NLRX1: variants seen among roughly 807,000 people sequenced by gnomAD.
NLRX1 encodes NOD-like receptor X1.
A neutral mutation model predicts 74.2 loss-of-function variants in NLRX1; 67 were observed. The ratio of observed to expected loss-of-function variants is 0.90; its 90% CI spans 0.74 to 1.11. NLRX1 has a LOEUF of 1.11. Among genes scored for constraint, NLRX1 ranks in the 50% least tolerant of loss-of-function variants. The pLI, the probability that NLRX1 is intolerant of heterozygous loss-of-function variation, is 0.00. For synonymous variants in NLRX1, 506 were observed against 559.1 expected (o/e 0.91, Z 1.34); for missense variants, 1,191 against 1,305.4 (o/e 0.91, Z 1.35).
At position 119,173,956 on chromosome 11, in the gene NLRX1, A is replaced by G. The variant is rs762049082; in HGVS notation, c.707A>G (p.His236Arg). The G allele has an allele frequency of 2.4e-5, 39 of 1,613,452 alleles. No homozygotes were observed. The highest frequency in any genetic ancestry group is 3.2e-5 in the Non-Finnish European group (38 of 1,179,956). Residue 236 changes from histidine to arginine, a missense_variant, in exon 5 of 10, where the codon CAC (histidine) becomes CGC (arginine). By Grantham distance (29) the His-to-Arg change is conservative. Transcript: ENST00000409109. This position sits in a 1 kb window ranked among gnomAD's most constrained non-coding sequence, Gnocchi z 4.0. The part of the protein sequence containing the change: ...VLPLMAAAGS[H>R]LLFVLHGLEH... ...CCCCTGATGGCTGCTGCTGGGTCCCACCTCCTCTTTGTGCTCCATGGCTTA... is the reference window on the plus strand; with the variant it reads ...CCCCTGATGGCTGCTGCTGGGTCCCGCCTCCTCTTTGTGCTCCATGGCTTA...
rs149657754 is a variant in NLRX1 at position 119,172,976 on chromosome 11, C to A, written c.216C>A (p.Ser72Arg). The stretch of plus-strand genomic sequence containing the variant: ...GGAGGCATGGACGGCTGTTCCCCAG[C>A]GCCTCTGCAACTGGTAAAGGGACTG... ...PPGRHGRLFP[S>R]ASATEAIQRH... Residue 72 changes from serine (S) to arginine (R), a missense_variant, in exon 4 of 10, where the codon AGC becomes AGA. Ser to Arg is a moderately radical substitution (Grantham distance 110). Coordinates refer to ENST00000409109, the MANE Select transcript of NLRX1 (RefSeq NM_001282144.2). 18 of 1,613,376 alleles carry A rather than the reference C, an allele frequency of 1.1e-5. No individual in the cohort carries two copies. Among genetic ancestry groups the A allele is most frequent in the Middle Eastern group, 1.6e-4 (1 of 6,070 alleles).
At position 119,182,304 on chromosome 11, in the gene NLRX1, G is replaced by C. The variant is rs1948860373; in HGVS notation, c.2565G>C (p.Leu855=). The change falls in exon 9 of 10, where the codon CTG becomes CTC. Residue 855 remains leucine, a synonymous_variant. Coordinates refer to ENST00000409109, the MANE Select transcript of NLRX1 (RefSeq NM_001282144.2). The part of the protein sequence containing the change: ...NGAGDTAALA[L]ARAAREHPSL... ...CTGGTGACACAGCGGCCCTGGCCCT[G>C]GCCAGAGCTGCCCGGGAGCACCCTT... 4 of 1,613,244 alleles carry C rather than the reference G, an allele frequency of 2.5e-6. No individual in the cohort carries two copies. Among genetic ancestry groups the C allele is most frequent in the Non-Finnish European group, 3.4e-6 (4 of 1,179,982 alleles).
chr11:119,180,520 G>GGCA (rs2135189308), intron 7 of NLRX1, among the ~76,000 whole-genome samples: 1 of 152,174 alleles, frequency 6.6e-6, no homozygotes, highest in South Asian at 2.1e-4. Context: ...GCCTCAACAT[G>GGCA]GAGAAACCCT....
chr11:119,169,998 A>AG (rs1181787463), intron 1 of NLRX1, among the ~76,000 whole-genome samples: 1 of 74,036 alleles, frequency 1.4e-5, no homozygotes, highest in Non-Finnish European at 2.3e-5. Context: ...ACCCTGTCTC[A>AG]GGAAAAAAAA....
chr11:119,177,219 C>T (rs1390584546), intron 6 of NLRX1, among the ~76,000 whole-genome samples: 5 of 151,536 alleles, frequency 3.3e-5, no homozygotes, highest in African/African-American at 4.8e-5. Context: ...GTAGCTGGGA[C>T]TACAGGCACC....
chr11:119,177,950 G>A (rs1269695048), intron 6 of NLRX1: 1 of 152,324 alleles, frequency 6.6e-6, no homozygotes, highest in East Asian at 1.9e-4. Context: ...GACATATTCT[G>A]TCACAGGTTG....
intron 5 of NLRX1, 32 bp from the exon 6 acceptor site, chr11:119,174,421 T>G (rs753890874): frequency 1.9e-6 from 3 of 1,591,954 alleles, no homozygotes; most frequent in Non-Finnish European, 2.6e-6. Flanking sequence ...GACACTAAGG[T>G]CTTTCTTAAC....
rs1043304177 is a variant in NLRX1 at position 119,179,816 on chromosome 11, G to A, written c.1795G>A (p.Ala599Thr). The part of the protein sequence containing the change: ...YNDDVLDQMG[A>T]SILGVEGPRR... ...CGATGATGTTCTGGACCAGATGGGC[G>A]CCAGTATCCTGGGCGTGGAGGGCCC... Residue 599 changes from alanine to threonine, a missense_variant, in exon 7 of 10, where the codon GCC becomes ACC. Transcript: ENST00000409109. 1.4e-5 allele frequency: 22 copies of A among 1,614,084 alleles called. No homozygotes were observed. Among genetic ancestry groups the A allele is most frequent in the Middle Eastern group, 1.6e-4 (1 of 6,084 alleles).
Position 119,183,290 on chromosome 11 carries a change from G to T in NLRX1, c.2779G>T (p.Ala927Ser). Residue 927 changes from alanine to serine, a missense_variant, in exon 10 of 10, where the codon GCC (alanine) becomes TCC (serine). Ala to Ser is a moderately conservative substitution (Grantham distance 99). Transcript: ENST00000409109. This position sits in a 1 kb window ranked among gnomAD's most constrained non-coding sequence, Gnocchi z 5.7. ...GCGGAACCTCAATAGCTGGGATCGG[G>T]CCCGGGTTCAGCGACACCTTGAGCT... Reference protein sequence around the residue: ...VQRNLNSWDRARVQRHLELLL... With the variant: ...VQRNLNSWDRSRVQRHLELLL... The T allele has an allele frequency of 1.2e-6, 2 of 1,614,232 alleles. No homozygotes were observed. Among genetic ancestry groups the T allele is most frequent in the Non-Finnish European group, 1.7e-6 (2 of 1,180,048 alleles).
intron 6 of NLRX1, among the ~76,000 whole-genome samples, chr11:119,178,664 G>A (rs1948755131): frequency 6.6e-6 from 1 of 151,758 alleles, no homozygotes; most frequent in African/African-American, 2.4e-5. Context: ...TTGGGGGAGG[G>A]GAAATGCCCC....
chr11:119,169,997 C>T, intron 1 of NLRX1, among the ~76,000 whole-genome samples: 1 of 64,250 alleles, frequency 1.6e-5, no homozygotes, highest in African/African-American at 7.0e-5. Flanking sequence ...GACCCTGTCT[C>T]AGGAAAAAAA....
At position 119,174,719 on chromosome 11, in the gene NLRX1, C is replaced by T; in HGVS notation, c.1116C>T (p.Ser372=). Residue 372 remains serine, a synonymous_variant, in exon 6 of 10, where the codon TCC becomes TCT. Transcript: ENST00000409109. ...TAGCCGCTGCCTGCTTCCTGCCGTC[C>T]TATTGCTGGCTCGTTTGTGCCACCT... The part of the protein sequence containing the change: ...HQIAAACFLP[S]YCWLVCATLH... 1 of 1,613,954 alleles carries T rather than the reference C, an allele frequency of 6.2e-7. No individual in the cohort carries two copies. The highest frequency in any genetic ancestry group is 8.5e-7 in the Non-Finnish European group (1 of 1,180,046).
In NLRX1 at chr11:119,183,974, C is replaced by A. The variant is rs772256586; in HGVS notation, c.*535C>A. The A allele has an allele frequency of 2.6e-6, 2 of 766,830 alleles. No individual in the cohort carries two copies. Among genetic ancestry groups the A allele is most frequent in the South Asian group, 2.7e-5 (2 of 73,112 alleles). The allele number at this position is 766,830 out of a possible 1,614,324, so 47.5% of individuals were successfully genotyped here. ...GCTTGGTAGCCCCTCGAGGCAGATGCACCTGACTTGCTGCTATTAAAAAGC... is the reference window on the plus strand; with the variant it reads ...GCTTGGTAGCCCCTCGAGGCAGATGAACCTGACTTGCTGCTATTAAAAAGC... On this transcript the variant is annotated 3_prime_UTR_variant, in exon 10 of 10. Coordinates refer to ENST00000409109, the MANE Select transcript of NLRX1 (RefSeq NM_001282144.2). This position sits in a 1 kb window ranked among gnomAD's most constrained non-coding sequence, Gnocchi z 5.7.
chr11:119,180,701 C>T (rs1341864044), intron 7 of NLRX1, among the ~76,000 whole-genome samples: 1 of 84,470 alleles, frequency 1.2e-5, no homozygotes, highest in Admixed American at 1.3e-4. Flanking sequence ...AACTCCGTCT[C>T]AAAAAAAAAA....
intron 2 of NLRX1, 64 bp from the exon 3 acceptor site, chr11:119,172,292 T>A: frequency 7.8e-7 from 1 of 1,283,520 alleles, no homozygotes; most frequent in Non-Finnish European, 1.1e-6. Flanking sequence ...GGGGGTTTGA[T>A]GTAGACATGG....
chr11:119,176,381 TG>T (rs1185634073), intron 6 of NLRX1, among the ~76,000 whole-genome samples: 2 of 152,210 alleles, frequency 1.3e-5, no homozygotes, highest in African/African-American at 2.4e-5. Context: ...ACTGAGTAGC[TG>T]GGACCTCAGG....
In NLRX1 at chr11:119,174,671, G is replaced by C. The variant is rs535692330; in HGVS notation, c.1068G>C (p.Arg356=). 1.2e-6 allele frequency: 2 copies of C among 1,613,988 alleles called. No individual in the cohort carries two copies. The highest frequency in any genetic ancestry group is 1.3e-5 in the African/African-American group (1 of 75,076). The change falls in exon 6 of 10, where the codon CGG becomes CGC. Residue 356 remains arginine, a synonymous_variant. Coordinates refer to ENST00000409109, the MANE Select transcript of NLRX1 (RefSeq NM_001282144.2). ...QRDHLVQMLS[R]NLEGHHQIAA... The stretch of plus-strand genomic sequence containing the variant: ...ACCACCTGGTGCAGATGCTCTCCCG[G>C]AACCTGGAGGGGCACCACCAGATAG...
Position 119,175,291 on chromosome 11 carries a change from G to C in NLRX1, c.1671+17G>C, listed in dbSNP as rs780031065. 1 of 1,601,022 alleles carries C rather than the reference G, an allele frequency of 6.2e-7. No individual in the cohort carries two copies. The highest frequency in any genetic ancestry group is 8.5e-7 in the Non-Finnish European group (1 of 1,171,572). ...CTGATCAAGGTAACATCCCGATCAAGGTAACCCCCCAACCTGCTCCTTCCC... is the reference window on the plus strand; with the variant it reads ...CTGATCAAGGTAACATCCCGATCAACGTAACCCCCCAACCTGCTCCTTCCC... On this transcript the variant is annotated intron_variant, in intron 6 of 9. Coordinates refer to ENST00000409109, the MANE Select transcript of NLRX1 (RefSeq NM_001282144.2).
At position 119,179,793 on chromosome 11, in the gene NLRX1, A is replaced by G; in HGVS notation, c.1772A>G (p.Asp591Gly). Reference sequence around the variant, plus strand: ...TTTCGAGAGGAGGACTACTACAACGATGATGTTCTGGACCAGATGGGCGCC... The same window carrying G: ...TTTCGAGAGGAGGACTACTACAACGGTGATGTTCTGGACCAGATGGGCGCC... ...EMFREEDYYN[D>G]DVLDQMGASI... Residue 591 changes from aspartate (D) to glycine (G), a missense_variant, in exon 7 of 10, where the codon GAT (aspartate) becomes GGT (glycine). By Grantham distance (94) the Asp-to-Gly change is moderately conservative. Transcript: ENST00000409109. 1 of 1,614,154 alleles carries G rather than the reference A, an allele frequency of 6.2e-7. No individual in the cohort carries two copies. Among genetic ancestry groups the G allele is most frequent in the Non-Finnish European group, 8.5e-7 (1 of 1,180,026 alleles).
Sources: gnomAD v4.1 joint callset for allele counts (sites outside exome capture counted in the v4.1 genomes callset) on GRCh38, gnomAD v4.1.1 for gene constraint, Gnocchi (gnomAD v3.1) non-coding constraint, MANE v1.5 for transcripts, NCBI Gene and HGNC (gene_info 2026-07-23, HGNC 2026-07-21) for gene names.